EOGT: variants seen among roughly 807,000 people sequenced by gnomAD.
EOGT encodes EGF domain specific O-linked N-acetylglucosamine transferase, also known as EGF domain-specific O-linked N-acetylglucosamine transferase.
A neutral mutation model predicts 70.5 loss-of-function variants in EOGT; 55 were observed. The ratio of observed to expected loss-of-function variants is 0.78; its 90% CI spans 0.63 to 0.98. The LOEUF (loss-of-function observed/expected upper bound fraction) is 0.98. Ranked by LOEUF, EOGT falls within the 50% of genes least tolerant of loss-of-function variation. The pLI is 0.00. For synonymous variants in EOGT, 246 were observed against 217.1 expected, an observed-to-expected ratio of 1.13 and a Z score of -1.17; for missense variants, 703 against 641.9, an observed-to-expected ratio of 1.10 and a Z score of -1.03.
chr3:68,994,474 A>G (rs2091088946), intron 10 of EOGT, among the ~76,000 whole-genome samples: 1 of 152,188 alleles, frequency 6.6e-6, no homozygotes, highest in African/African-American at 2.4e-5. Flanking sequence ...ACTCATTATA[A>G]TCAGGTATTA....
chr3:68,986,746 G>A (rs1397356116), intron 14 of EOGT, among the ~76,000 whole-genome samples: 3 of 152,058 alleles, frequency 2.0e-5, no homozygotes, highest in Non-Finnish European at 1.5e-5. Flanking sequence ...ACTTATTGAC[G>A]TTTTCACTTA....
rs1459864269 is a variant in EOGT at position 69,013,619 on chromosome 3, A to C, written c.-401T>G. ...AACTACCGAGGAGGAGGCGGAGGAG[A>C]CGGCGGCTGTTCCAGAGGAGGGAGT... On this transcript the variant is annotated 5_prime_UTR_variant, in exon 1 of 18. Transcript: ENST00000383701. The C allele has an allele frequency of 6.5e-6, 1 of 153,078 alleles. No individual in the cohort carries two copies. Among genetic ancestry groups the C allele is most frequent in the Non-Finnish European group, 1.5e-5 (1 of 68,784 alleles). 9.5% of individuals were successfully genotyped at this position (153,078 alleles called of 1,614,324 possible).
intron 10 of EOGT, among the ~76,000 whole-genome samples, chr3:68,997,411 C>T (rs1420139402): frequency 2.0e-5 from 3 of 151,732 alleles, no homozygotes; most frequent in African/African-American, 7.3e-5. Flanking sequence ...CTCTGTCACC[C>T]AGGTTGCAGT....
intron 6 of EOGT, among the ~76,000 whole-genome samples, chr3:69,007,511 G>GGGGGGGTGC (rs58828341): frequency 1.2e-5 from 1 of 80,472 alleles, no homozygotes; most frequent in African/African-American, 4.3e-5. Flanking sequence ...AATTAGCGGG[G>GGGGGGGTGC]GGGGGTGGCA....
rs181345960 is a variant in EOGT at position 68,990,323 on chromosome 3, T to G, written c.832-1306A>C. Among the ~76,000 whole-genome samples the G allele has an allele frequency of 1.3e-3, 198 of 151,824 alleles. 1 individual carries two copies. The highest frequency in any genetic ancestry group is 4.0e-3 in the African/African-American group (166 of 41,416). On this transcript the variant is annotated intron_variant, in intron 10 of 17. Transcript: ENST00000383701. Reference sequence around the variant, plus strand: ...ACAGCTGCCTTTCAGCAGGAATTAGTTCTTTCCAGTATAATTACCACATGC... The same window carrying G: ...ACAGCTGCCTTTCAGCAGGAATTAGGTCTTTCCAGTATAATTACCACATGC...
chr3:68,993,706 A>G (rs530226422), intron 10 of EOGT, among the ~76,000 whole-genome samples: 6 of 152,322 alleles, frequency 3.9e-5, no homozygotes, highest in Admixed American at 2.0e-4. Flanking sequence ...TCTGCTGATA[A>G]AGATACACCC....
intron 8 of EOGT, among the ~76,000 whole-genome samples, chr3:69,002,082 T>C (rs1358827985): frequency 6.6e-6 from 1 of 152,046 alleles, no homozygotes; most frequent in Non-Finnish European, 1.5e-5. Flanking sequence ...CCCAGCCATT[T>C]TCAGGAGCCC....
At chr3:68,981,017 A>G (rs2090624201) in intron 15 of EOGT, among the ~76,000 whole-genome samples, 1 of 152,100 alleles carries the variant, frequency 6.6e-6, no homozygotes, top group African/African-American at 2.4e-5. Context: ...TGGTTTTGGG[A>G]CTGATGTGGG....
intron 9 of EOGT, among the ~76,000 whole-genome samples, chr3:68,999,240 A>C (rs2091237369): frequency 1.3e-5 from 2 of 152,252 alleles, no homozygotes; most frequent in Non-Finnish European, 2.9e-5. Flanking sequence ...GGCACATAGG[A>C]AGACCTGAAT....
intron 16 of EOGT, among the ~76,000 whole-genome samples, chr3:68,979,281 GT>G (rs1438748242): frequency 1.3e-5 from 2 of 152,218 alleles, no homozygotes; most frequent in African/African-American, 4.8e-5. Context: ...ACTAAGTTAA[GT>G]GGTTGGCTTG....
chr3:68,980,097 T>C lies in EOGT; in HGVS notation c.1215-310A>G, dbSNP rs34715902. Among the ~76,000 whole-genome samples the C allele has an allele frequency of 0.12, 18,412 of 152,170 alleles. 1,356 individuals carry two copies. The highest frequency in any genetic ancestry group is 0.22 in the Middle Eastern group (64 of 294). On this transcript the variant is annotated intron_variant, in intron 15 of 17. Coordinates refer to ENST00000383701, the MANE Select transcript of EOGT (RefSeq NM_001278689.2). Reference sequence around the variant, plus strand: ...TATGACATCAACAAAACTGTAAAAATTGATATAATCAAACTAAGTAGTGTT... The same window carrying C: ...TATGACATCAACAAAACTGTAAAAACTGATATAATCAAACTAAGTAGTGTT...
chr3:69,012,134 GCTTT>G (rs2091591598), intron 2 of EOGT, 143 bp from the exon 3 acceptor site: 1 of 152,066 alleles, frequency 6.6e-6, no homozygotes. Flanking sequence ...CCGGTGGTGC[GCTTT>G]CTTTTCCTTA....
In EOGT at chr3:69,001,776, T is replaced by C. The variant is rs571370637; in HGVS notation, c.621-62A>G. On this transcript the variant is annotated intron_variant, in intron 8 of 17. Coordinates refer to ENST00000383701, the MANE Select transcript of EOGT (RefSeq NM_001278689.2). ...TCTCCCAAACTTCCTATTAGAACAC[T>C]GTAACTTAGGATCTGTTCATTAGGC... 248 of 1,145,366 alleles carry C rather than the reference T, an allele frequency of 2.2e-4. No individual in the cohort carries two copies. The African/African-American group carries it at 3.5e-3, about 16-fold the overall frequency. 71.0% of individuals were successfully genotyped at this position (1,145,366 alleles called of 1,614,324 possible).
At chr3:68,983,262 T>C (rs1257803365) in intron 14 of EOGT, among the ~76,000 whole-genome samples, 1 of 152,246 alleles carries the variant, frequency 6.6e-6, no homozygotes, top group Non-Finnish European at 1.5e-5. Context: ...GGCATCAGAA[T>C]GCCCAAAATG....
In EOGT at chr3:68,994,025, A is replaced by G. The variant is rs2091073742; in HGVS notation, c.831+3986T>C. Among the ~76,000 whole-genome samples the G allele has an allele frequency of 2.6e-5, 4 of 152,240 alleles. No individual in the cohort carries two copies. The South Asian group carries it at 8.3e-4, about 31-fold the overall frequency. On this transcript the variant is annotated intron_variant, in intron 10 of 17. Coordinates refer to ENST00000383701, the MANE Select transcript of EOGT (RefSeq NM_001278689.2). ...TTTGGTGGGGACACAGCCAAACCAT[A>G]TCAAGGACCAATCTGGGTACCATAA...
At chr3:69,000,588 A>G (rs1448729922) in intron 9 of EOGT, among the ~76,000 whole-genome samples, 1 of 152,218 alleles carries the variant, frequency 6.6e-6, no homozygotes, top group African/African-American at 2.4e-5. Flanking sequence ...TGATCAATAA[A>G]TTATACTAAT....
chr3:68,978,559 G>A (rs1166611079), intron 16 of EOGT, 124 bp from the exon 17 acceptor site: 4 of 603,438 alleles, frequency 6.6e-6, no homozygotes, highest in Admixed American at 3.4e-5. Context: ...ACAAGACTGA[G>A]GAAGACAGTA....
chr3:69,000,607 A>T (rs1309503032), intron 9 of EOGT, among the ~76,000 whole-genome samples: 1 of 152,180 alleles, frequency 6.6e-6, no homozygotes, highest in Non-Finnish European at 1.5e-5. Flanking sequence ...ATTCTGAAAT[A>T]TTTGTGACAG....
chr3:69,003,646 A>C (rs1432988375), intron 8 of EOGT, among the ~76,000 whole-genome samples: 2 of 152,190 alleles, frequency 1.3e-5, no homozygotes, highest in Non-Finnish European at 2.9e-5. Context: ...ATGAGTCTAA[A>C]ATTATTTTAA....
Sources: allele counts gnomAD v4.1 joint callset (sites outside exome capture counted in the v4.1 genomes callset), GRCh38; gene constraint gnomAD v4.1.1; transcripts MANE v1.5; gene names NCBI Gene and HGNC (gene_info 2026-07-23, HGNC 2026-07-21).